Variants in CYTH3 observed in about 807,000 individuals in gnomAD.
CYTH3 encodes the protein cytohesin-3.
In CYTH3, 23 loss-of-function variants were observed where a neutral mutation model predicts 55.1. The ratio of observed to expected loss-of-function variants is 0.42; its 90% CI spans 0.30 to 0.59. The LOEUF is 0.59. Among genes scored for constraint, CYTH3 ranks in the 20% least tolerant of loss-of-function variants. The probability of loss-of-function intolerance (pLI) is 0.20; values close to 1 mark genes in which losing one functional copy is unlikely to be tolerated. For synonymous variants in CYTH3, 249 were observed against 194.9 expected (o/e 1.28, Z -2.31); for missense variants, 413 against 524.8 (o/e 0.79, Z 2.08).
At chr7:6,258,586 G>T (rs903785333) in intron 1 of CYTH3, among the ~76,000 whole-genome samples, 2 of 152,100 alleles carry the variant, frequency 1.3e-5, no homozygotes, top group Non-Finnish European at 2.9e-5. Flanking sequence ...AGCAAAGAAG[G>T]GTGGATTTGC....
Position 6,165,262 on chromosome 7 carries a change from G to A in CYTH3, c.1127+11C>T. The stretch of plus-strand genomic sequence containing the variant: ...AGACGGGCCTGGCCCCGCCCCCGAG[G>A]CCCCACTCACTTGATGGATTTCATC... On this transcript the variant is annotated intron_variant, in intron 12 of 12. Coordinates refer to ENST00000350796, the MANE Select transcript of CYTH3 (RefSeq NM_004227.4). The A allele has an allele frequency of 1.9e-6, 3 of 1,605,902 alleles. No homozygotes were observed. The highest frequency in any genetic ancestry group is 2.6e-6 in the Non-Finnish European group (3 of 1,175,792).
At chr7:6,206,452 G>T (rs139665723) in intron 1 of CYTH3, among the ~76,000 whole-genome samples, 86 of 152,320 alleles carry the variant, frequency 5.6e-4, no homozygotes, top group African/African-American at 2.0e-3. Context: ...GGGTAATCTG[G>T]GGAGGCAGAA....
At chr7:6,234,364 G>T (rs1245159701) in intron 1 of CYTH3, among the ~76,000 whole-genome samples, 2 of 152,196 alleles carry the variant, frequency 1.3e-5, no homozygotes, top group African/African-American at 2.4e-5. Context: ...CCCAAGAATT[G>T]AAAACTCACT....
At chr7:6,218,634 G>C (rs1399576622) in intron 1 of CYTH3, among the ~76,000 whole-genome samples, 1 of 152,190 alleles carries the variant, frequency 6.6e-6, no homozygotes, top group Non-Finnish European at 1.5e-5. Context: ...GTAAGGGACA[G>C]AGGCTGGAAT....
At chr7:6,193,546 G>T (rs1225881860) in intron 1 of CYTH3, among the ~76,000 whole-genome samples, 1 of 152,172 alleles carries the variant, frequency 6.6e-6, no homozygotes, top group East Asian at 1.9e-4. Context: ...AATCCACATG[G>T]AAAAGCAAAC....
chr7:6,209,446 C>T (rs991233676), intron 1 of CYTH3, among the ~76,000 whole-genome samples: 1 of 152,156 alleles, frequency 6.6e-6, no homozygotes, highest in African/African-American at 2.4e-5. Context: ...GAGATCAAAC[C>T]TGAATAAAGT....
intron 1 of CYTH3, among the ~76,000 whole-genome samples, chr7:6,268,365 T>C (rs1361369299): frequency 1.3e-5 from 2 of 152,168 alleles, no homozygotes; most frequent in Non-Finnish European, 2.9e-5. Context: ...AAACGGAGTT[T>C]CACCATGCTG....
At chr7:6,193,723 T>C (rs558272252) in intron 1 of CYTH3, among the ~76,000 whole-genome samples, 31 of 152,194 alleles carry the variant, frequency 2.0e-4, no homozygotes, top group Non-Finnish European at 3.7e-4. Context: ...ACTGGATGCC[T>C]GCCTCTTCTC....
Position 6,171,369 on chromosome 7 carries a change from G to A in CYTH3, c.450-55C>T. On this transcript the variant is annotated intron_variant, in intron 6 of 12. Coordinates refer to ENST00000350796, the MANE Select transcript of CYTH3 (RefSeq NM_004227.4). The surrounding 1 kb of genome is among the most constrained non-coding windows in gnomAD (Gnocchi z 6.7). Reference sequence around the variant, plus strand: ...GCATCAGAACCAACACCGCCTCACGGCCAAGGGCGGCTTCTGCCCAGCTCA... The same window carrying A: ...GCATCAGAACCAACACCGCCTCACGACCAAGGGCGGCTTCTGCCCAGCTCA... 3 of 1,548,742 alleles carry A rather than the reference G, an allele frequency of 1.9e-6. No individual in the cohort carries two copies. The highest frequency in any genetic ancestry group is 1.7e-5 in the Admixed American group (1 of 59,416).
intron 9 of CYTH3, among the ~76,000 whole-genome samples, chr7:6,166,048 T>C (rs763199566): frequency 1.3e-5 from 2 of 152,128 alleles, no homozygotes; most frequent in Non-Finnish European, 2.9e-5. Context: ...CGCGCTACAA[T>C]TCGCTTCCTG....
intron 4 of CYTH3, among the ~76,000 whole-genome samples, chr7:6,184,709 G>C (rs756792847): frequency 2.0e-5 from 3 of 152,158 alleles, no homozygotes; most frequent in Non-Finnish European, 4.4e-5. Flanking sequence ...CTCCCGAGTA[G>C]CTGGGACTAC....
chr7:6,258,278 A>C (rs968314414), intron 1 of CYTH3, among the ~76,000 whole-genome samples: 2 of 151,162 alleles, frequency 1.3e-5, no homozygotes, highest in Non-Finnish European at 2.9e-5. Flanking sequence ...ATGCCACTGC[A>C]CTCTGGCATA....
rs1305040165 is a variant in CYTH3 at position 6,170,683 on chromosome 7, C to T, written c.712-37G>A. On this transcript the variant is annotated intron_variant, in intron 8 of 12. Coordinates refer to ENST00000350796, the MANE Select transcript of CYTH3 (RefSeq NM_004227.4). The surrounding 1 kb of genome is among the most constrained non-coding windows in gnomAD (Gnocchi z 7.8). Reference sequence around the variant, plus strand: ...GAAAACAGCAGCCAGTTCAGAGACTCGGAGGAAAATGGCTGGCCGGGCAGA... The same window carrying T: ...GAAAACAGCAGCCAGTTCAGAGACTTGGAGGAAAATGGCTGGCCGGGCAGA... 3 of 1,599,316 alleles carry T rather than the reference C, an allele frequency of 1.9e-6. No individual in the cohort carries two copies. Among genetic ancestry groups the T allele is most frequent in the Middle Eastern group, 1.7e-4 (1 of 6,040 alleles).
intron 1 of CYTH3, among the ~76,000 whole-genome samples, chr7:6,270,543 AAT>A (rs1172471920): frequency 1.3e-5 from 2 of 152,230 alleles, no homozygotes; most frequent in Non-Finnish European, 2.9e-5. Context: ...AATAATCCAT[AAT>A]GTCACCAATG....
At chr7:6,193,517 G>C (rs928384879) in intron 1 of CYTH3, among the ~76,000 whole-genome samples, 12 of 152,210 alleles carry the variant, frequency 7.9e-5, no homozygotes, top group Non-Finnish European at 1.5e-4. Context: ...AGCCAAACTG[G>C]ACTAGCCACA....
rs890024321 is a variant in CYTH3 at position 6,163,860 on chromosome 7, A to G, written c.*1084T>C. 1.3e-5 allele frequency: 2 copies of G among 152,326 alleles called. No homozygotes were observed. Among genetic ancestry groups the G allele is most frequent in the African/African-American group, 4.8e-5 (2 of 41,572 alleles). 9.4% of individuals were successfully genotyped at this position (152,326 alleles called of 1,614,324 possible). ...GTAAAATAAGCGTTCATTTTGCCAC[A>G]GGTTTTAAATAGCGATGAATATGGT... On this transcript the variant is annotated 3_prime_UTR_variant, in exon 13 of 13. Coordinates refer to ENST00000350796, the MANE Select transcript of CYTH3 (RefSeq NM_004227.4).
chr7:6,259,764 TATATATATTATATATATATAA>T (rs1780249855), intron 1 of CYTH3, among the ~76,000 whole-genome samples: 1 of 24,936 alleles, frequency 4.0e-5, no homozygotes, highest in Non-Finnish European at 5.6e-5. Flanking sequence ...ATATTATATA[TATATATATTATATATATATAA>T]TATATATATA....
intron 4 of CYTH3, among the ~76,000 whole-genome samples, chr7:6,179,921 C>A (rs1218144161): frequency 7.1e-6 from 1 of 141,788 alleles, no homozygotes; most frequent in Non-Finnish European, 1.5e-5. Context: ...CACACACAAA[C>A]CACACACACA....
At chr7:6,239,297 G>A (rs930510473) in intron 1 of CYTH3, among the ~76,000 whole-genome samples, 9 of 152,216 alleles carry the variant, frequency 5.9e-5, no homozygotes, top group African/African-American at 1.9e-4. Context: ...AAGAGAAGAC[G>A]CAGCCCTTCC....
Sources: allele counts gnomAD v4.1 joint callset (sites outside exome capture counted in the v4.1 genomes callset), GRCh38; gene constraint gnomAD v4.1.1; non-coding constraint Gnocchi (gnomAD v3.1); transcripts MANE v1.5; gene names NCBI Gene and HGNC (gene_info 2026-07-23, HGNC 2026-07-21).